KCNH8: variants seen among roughly 807,000 people sequenced by gnomAD.
KCNH8 encodes potassium voltage-gated channel subfamily H member 8, also known as voltage-gated delayed rectifier potassium channel KCNH8.
Under a neutral mutation model 103.6 loss-of-function variants are expected in KCNH8, and 70 were observed. That is an observed-to-expected ratio of 0.68 (90% confidence interval 0.56 to 0.82). KCNH8 has a LOEUF of 0.82. Ranked by LOEUF, KCNH8 falls within the 40% of genes least tolerant of loss-of-function variation. The pLI is 0.00. For missense variants in KCNH8, 1,217 were observed against 1,329.9 expected (o/e 0.92, Z 1.32); for synonymous variants, 498 against 489.4 (o/e 1.02, Z -0.23).
chr3:19,476,778 T>C (rs1403663877), intron 11 of KCNH8, among the ~76,000 whole-genome samples: 1 of 152,016 alleles, frequency 6.6e-6, no homozygotes, highest in African/African-American at 2.4e-5. Flanking sequence ...ATGAGCCACG[T>C]ATTAGTAAAT....
intron 9 of KCNH8, 198 bp downstream of exon 9, chr3:19,450,503 C>A: frequency 1.7e-6 from 1 of 578,882 alleles, no homozygotes. Context: ...TTTGGATTGA[C>A]CGAAGTTTTA....
intron 10 of KCNH8, among the ~76,000 whole-genome samples, 166 bp from the exon 11 acceptor site, chr3:19,456,602 A>T (rs938325161): frequency 6.6e-6 from 1 of 152,016 alleles, no homozygotes; most frequent in Non-Finnish European, 1.5e-5. Flanking sequence ...GCTAAAGCCC[A>T]GGTATGATGC....
chr3:19,190,182 A>T (rs1451582866), intron 1 of KCNH8, among the ~76,000 whole-genome samples: 1 of 152,000 alleles, frequency 6.6e-6, no homozygotes, highest in Non-Finnish European at 1.5e-5. Flanking sequence ...TTGCTTCAAG[A>T]AACTATGGAA....
chr3:19,233,225 G>A (rs2064018237), intron 1 of KCNH8, among the ~76,000 whole-genome samples: 2 of 152,170 alleles, frequency 1.3e-5, no homozygotes, highest in South Asian at 4.1e-4. Flanking sequence ...AATAGTAGGT[G>A]AGGGACTTTT....
chr3:19,235,383 AG>A (rs1460778078), intron 1 of KCNH8, among the ~76,000 whole-genome samples: 3 of 152,210 alleles, frequency 2.0e-5, no homozygotes, highest in Admixed American at 2.0e-4. Flanking sequence ...TATAAAACAA[AG>A]GTGATTAGAT....
intron 2 of KCNH8, among the ~76,000 whole-genome samples, chr3:19,270,997 G>A (rs560134654): frequency 2.5e-4 from 38 of 152,108 alleles, no homozygotes; most frequent in African/African-American, 8.7e-4. Flanking sequence ...AAAGGACTTG[G>A]TCAAAGTTGA....
chr3:19,246,071 T>C (rs2064200567), intron 1 of KCNH8, among the ~76,000 whole-genome samples: 1 of 152,140 alleles, frequency 6.6e-6, no homozygotes, highest in Non-Finnish European at 1.5e-5. Context: ...ATGATTTTGC[T>C]AATTCTAAAT....
In KCNH8 at chr3:19,510,400, A is replaced by G. The variant is rs752194548; in HGVS notation, c.2078A>G (p.Gln693Arg). 1 of 1,568,090 alleles carries G rather than the reference A, an allele frequency of 6.4e-7. No homozygotes were observed. Among genetic ancestry groups the G allele is most frequent in the Non-Finnish European group, 8.8e-7 (1 of 1,138,336 alleles). ...CTATCAAACAAATCTATGGTCTCAC[A>G]GGTATGGCTTTTGCTACACAGCAAA... ...SRLSNKSMVSQSEPKGNGNIN... is the reference protein window; with the variant it reads ...SRLSNKSMVSRSEPKGNGNIN... The change falls in exon 12 of 16, where the codon CAG (glutamine) becomes CGG (arginine). Residue 693 changes from glutamine (Q) to arginine (R), a missense_variant and splice_region_variant. Around this residue, in one of 3 missense-constraint regions of KCNH8, gnomAD observed 558 missense variants for 495.8 expected, o/e 1.13. Transcript: ENST00000328405.
chr3:19,418,104 G>T (rs1308258117), intron 7 of KCNH8, among the ~76,000 whole-genome samples: 2 of 152,178 alleles, frequency 1.3e-5, no homozygotes, highest in Non-Finnish European at 2.9e-5. Flanking sequence ...CATTTGAACT[G>T]GGCTTCAAAA....
At chr3:19,441,049 AG>A (rs2067276491) in intron 8 of KCNH8, among the ~76,000 whole-genome samples, 1 of 152,044 alleles carries the variant, frequency 6.6e-6, no homozygotes, top group African/African-American at 2.4e-5. Flanking sequence ...GGAGGGGAGG[AG>A]GGACTGCCTG....
chr3:19,416,509 A>G (rs181653551), intron 7 of KCNH8, among the ~76,000 whole-genome samples: 1 of 152,098 alleles, frequency 6.6e-6, no homozygotes, highest in African/African-American at 2.4e-5. Context: ...CATTAGTTCA[A>G]ATTCATTGTG....
chr3:19,261,309 T>C (rs1030896846), intron 2 of KCNH8, among the ~76,000 whole-genome samples: 4 of 151,908 alleles, frequency 2.6e-5, no homozygotes, highest in African/African-American at 9.7e-5. Flanking sequence ...TGTGAGATGA[T>C]ATTGCATAGT....
At chr3:19,464,659 A>C (rs1307729391) in intron 11 of KCNH8, among the ~76,000 whole-genome samples, 1 of 152,152 alleles carries the variant, frequency 6.6e-6, no homozygotes, top group Non-Finnish European at 1.5e-5. Context: ...GAATGTATTA[A>C]AACTCCTAAA....
rs184985133 is a variant in KCNH8 at position 19,479,712 on chromosome 3, T to C, written c.2040+22730T>C. Among the ~76,000 whole-genome samples the C allele has an allele frequency of 1.1e-3, 164 of 152,316 alleles. 1 individual carries two copies. The highest frequency in any genetic ancestry group is 1.6e-3 in the Non-Finnish European group (110 of 68,022). ...CTGCTGATTTGCTGTGTCTCTATTA[T>C]ATGATACTTATTATGATTTTGCAGG... On this transcript the variant is annotated intron_variant, in intron 11 of 15. Coordinates refer to ENST00000328405, the MANE Select transcript of KCNH8 (RefSeq NM_144633.3).
intron 7 of KCNH8, among the ~76,000 whole-genome samples, chr3:19,418,148 A>G (rs1374399700): frequency 1.3e-5 from 2 of 152,206 alleles, no homozygotes; most frequent in Non-Finnish European, 2.9e-5. Context: ...ATCAGAGAAC[A>G]TTTCAGGTGA....
chr3:19,374,411 A>T (rs970387807), intron 5 of KCNH8, among the ~76,000 whole-genome samples: 52 of 151,738 alleles, frequency 3.4e-4, no homozygotes, highest in African/African-American at 1.2e-3. Flanking sequence ...AGTCTGTTTT[A>T]TCAGAGACTA....
rs1370211531 is a variant in KCNH8 at position 19,171,806 on chromosome 3, CTG to C, written c.76+23012_76+23013del. On this transcript the variant is annotated intron_variant, in intron 1 of 15. Transcript: ENST00000328405. ...TGGGTTGACGATATAAAGTGAGAAA[CTG>C]AGATTAGTTTTGAAAACAAGTCACA... Among the ~76,000 whole-genome samples the C allele has an allele frequency of 4.6e-5, 7 of 152,250 alleles. No homozygotes were observed. The South Asian group carries it at 6.2e-4, about 14-fold the overall frequency.
chr3:19,235,398 A>G (rs1209003610), intron 1 of KCNH8, among the ~76,000 whole-genome samples: 1 of 152,210 alleles, frequency 6.6e-6, no homozygotes, highest in Non-Finnish European at 1.5e-5. Context: ...ATTAGATTAC[A>G]TGTGCACTCC....
intron 3 of KCNH8, among the ~76,000 whole-genome samples, chr3:19,322,881 AT>A (rs1445368433): frequency 6.6e-6 from 1 of 152,004 alleles, no homozygotes; most frequent in Non-Finnish European, 1.5e-5. Context: ...GGCTTTGTTA[AT>A]TTTTTTATTC....
Sources: gnomAD v4.1 joint callset for allele counts (sites outside exome capture counted in the v4.1 genomes callset) on GRCh38, gnomAD v4.1.1 for gene constraint, gnomAD v4.1.1 regional missense constraint, MANE v1.5 for transcripts, NCBI Gene and HGNC (gene_info 2026-07-23, HGNC 2026-07-21) for gene names.